The following FHIT variants were observed in gnomAD, a reference collection of about 807,000 sequenced individuals.
FHIT encodes fragile histidine triad diadenosine triphosphatase, also known as bis(5'-adenosyl)-triphosphatase.
In FHIT, 19 loss-of-function variants were observed where a neutral mutation model predicts 17.9. The observed-to-expected ratio is 1.06, with a 90% CI of 0.74 to 1.56. FHIT has a LOEUF of 1.56. Ranked by LOEUF, FHIT falls within the 40% of genes most tolerant of loss-of-function variation. FHIT has a pLI of 0.00. For synonymous variants in FHIT, 81 were observed against 69.7 expected (o/e 1.16, Z -0.81); for missense variants, 248 against 189.2 (o/e 1.31, Z -1.82).
chr3:60,798,670 T>C (rs1701075319), intron 4 of FHIT, among the ~76,000 whole-genome samples: 1 of 151,646 alleles, frequency 6.6e-6, no homozygotes, highest in Admixed American at 6.6e-5. Flanking sequence ...AATTACAGTC[T>C]AGTAAATTCT....
intron 7 of FHIT, among the ~76,000 whole-genome samples, chr3:59,943,271 T>C (rs928799481): frequency 2.0e-5 from 3 of 151,922 alleles, no homozygotes; most frequent in African/African-American, 4.8e-5. Flanking sequence ...CATTTGCAGG[T>C]TGACAGAGTC....
intron 5 of FHIT, among the ~76,000 whole-genome samples, chr3:60,433,501 A>G (rs1437171089): frequency 2.0e-5 from 3 of 152,082 alleles, no homozygotes; most frequent in East Asian, 1.9e-4. Context: ...ACAGTTTTCT[A>G]TAATCATTGC....
intron 4 of FHIT, among the ~76,000 whole-genome samples, chr3:60,710,319 G>A (rs782636954): frequency 7.2e-4 from 110 of 152,132 alleles, no homozygotes; most frequent in African/African-American, 2.3e-3. Flanking sequence ...GAACAGCTCC[G>A]GTCTACAGCT....
chr3:60,782,529 C>G lies in FHIT; in HGVS notation c.-18+39390G>C, dbSNP rs782810529. Among the ~76,000 whole-genome samples the G allele has an allele frequency of 2.6e-5, 4 of 152,256 alleles. No homozygotes were observed. In the Middle Eastern group the frequency reaches 0.01, roughly 388 times the overall value. On this transcript the variant is annotated intron_variant, in intron 4 of 9. Coordinates refer to ENST00000492590, the MANE Select transcript of FHIT (RefSeq NM_002012.4). ...ACAATGCTTGATGCTATCCCTGACA[C>G]ACTCTCTCTAGCAACAAGTTCCTTT...
chr3:60,004,056 G>A (rs17254898), intron 7 of FHIT, among the ~76,000 whole-genome samples: 14,735 of 152,056 alleles, frequency 0.097, 868 homozygotes, highest in Admixed American at 0.13. Context: ...TTGAGCACTA[G>A]TATCCTATAG....
intron 3 of FHIT, among the ~76,000 whole-genome samples, chr3:60,847,432 G>A (rs1702967228): frequency 1.3e-5 from 2 of 152,090 alleles, no homozygotes; most frequent in Non-Finnish European, 2.9e-5. Context: ...TTTATGCTTG[G>A]ATCACATTGC....
intron 8 of FHIT, among the ~76,000 whole-genome samples, chr3:59,886,602 CCA>C (rs752307237): frequency 3.9e-5 from 6 of 152,026 alleles, no homozygotes; most frequent in Non-Finnish European, 7.4e-5. Context: ...GGAAGAGGCA[CCA>C]CACTCTTTTT....
At chr3:59,799,088 A>T (rs1319265032) in intron 8 of FHIT, among the ~76,000 whole-genome samples, 1 of 134,728 alleles carries the variant, frequency 7.4e-6, no homozygotes, top group African/African-American at 2.8e-5. Flanking sequence ...TTCTAGAAAC[A>T]CTAGGAAATC....
intron 2 of FHIT, among the ~76,000 whole-genome samples, chr3:61,168,324 G>A (rs1576140219): frequency 6.6e-6 from 1 of 152,158 alleles, no homozygotes; most frequent in African/African-American, 2.4e-5. Flanking sequence ...GCTAACCCCT[G>A]AGGTAGAGAA....
At chr3:60,173,768 C>T (rs1441931832) in intron 5 of FHIT, among the ~76,000 whole-genome samples, 2 of 150,960 alleles carry the variant, frequency 1.3e-5, no homozygotes, top group East Asian at 4.0e-4. Context: ...CTGGGTTTTC[C>T]CTCTTTCTCC....
At chr3:60,283,045 G>A (rs1707537851) in intron 5 of FHIT, among the ~76,000 whole-genome samples, 2 of 152,128 alleles carry the variant, frequency 1.3e-5, no homozygotes, top group African/African-American at 4.8e-5. Context: ...GAACCCTCAG[G>A]ATCAAGTCAT....
chr3:60,955,471 A>G (rs1709070224), intron 3 of FHIT, among the ~76,000 whole-genome samples: 1 of 151,886 alleles, frequency 6.6e-6, no homozygotes, highest in Admixed American at 6.6e-5. Context: ...TTCAAGTTCT[A>G]TGTATGCCAT....
Position 60,370,178 on chromosome 3 carries a change from A to C in FHIT, c.103+166682T>G, listed in dbSNP as rs577474700. The stretch of plus-strand genomic sequence containing the variant: ...TACGTCACCTGTGTTAAGTTTATAG[A>C]TATACACTTGAATTAACAATATTTT... On this transcript the variant is annotated intron_variant, in intron 5 of 9. Transcript: ENST00000492590. Among the ~76,000 whole-genome samples the C allele has an allele frequency of 2.4e-3, 361 of 149,098 alleles. 8 individuals carry two copies. The highest frequency in any genetic ancestry group is 0.022 in the Admixed American group (320 of 14,772).
chr3:60,646,502 G>T (rs1185576824), intron 4 of FHIT, among the ~76,000 whole-genome samples: 1 of 152,126 alleles, frequency 6.6e-6, no homozygotes, highest in African/African-American at 2.4e-5. Context: ...GACATTTTCA[G>T]ATTCAATTTC....
chr3:60,174,946 G>C (rs923738712), intron 5 of FHIT, among the ~76,000 whole-genome samples: 1 of 152,138 alleles, frequency 6.6e-6, no homozygotes, highest in African/African-American at 2.4e-5. Flanking sequence ...ACAGTGCCTG[G>C]CACGTAGTGA....
intron 3 of FHIT, among the ~76,000 whole-genome samples, chr3:61,031,288 C>G (rs752297445): frequency 6.6e-6 from 1 of 152,044 alleles, no homozygotes; most frequent in Non-Finnish European, 1.5e-5. Flanking sequence ...GATACTTTTT[C>G]AAAATCCTCT....
chr3:60,082,284 G>T (rs1489980337), intron 5 of FHIT, among the ~76,000 whole-genome samples: 1 of 149,578 alleles, frequency 6.7e-6, no homozygotes, highest in Non-Finnish European at 1.5e-5. Context: ...TGCATTCATG[G>T]TGCTGCAACA....
chr3:60,314,967 T>C (rs890423595), intron 5 of FHIT, among the ~76,000 whole-genome samples: 2 of 152,168 alleles, frequency 1.3e-5, no homozygotes, highest in Non-Finnish European at 2.9e-5. Flanking sequence ...CAGAACTTAC[T>C]ATGCCCAGGC....
intron 8 of FHIT, among the ~76,000 whole-genome samples, chr3:59,849,872 G>A (rs4446177): frequency 2.0e-5 from 3 of 152,144 alleles, no homozygotes; most frequent in African/African-American, 7.2e-5. Flanking sequence ...GACAAAATCA[G>A]AAATATTATA....
Sources: allele counts gnomAD v4.1 joint callset (sites outside exome capture counted in the v4.1 genomes callset), GRCh38; gene constraint gnomAD v4.1.1; transcripts MANE v1.5; gene names NCBI Gene and HGNC (gene_info 2026-07-23, HGNC 2026-07-21).